CYTH1: variants seen among roughly 807,000 people sequenced by gnomAD.
CYTH1 encodes cytohesin-1.
Under a neutral mutation model 61.8 loss-of-function variants are expected in CYTH1, and 18 were observed. The observed-to-expected ratio is 0.29, with a 90% CI of 0.20 to 0.43. CYTH1 has a LOEUF of 0.43. Ranked by LOEUF, CYTH1 falls within the 20% of genes least tolerant of loss-of-function variation. The pLI, the probability that CYTH1 is intolerant of heterozygous loss-of-function variation, is 1.00. For missense variants in CYTH1, 336 were observed against 510.5 expected (o/e 0.66, Z 3.29); for synonymous variants, 174 against 184.3 (o/e 0.94, Z 0.45).
chr17:78,681,400 A>G (rs1406795788), intron 11 of CYTH1, among the ~76,000 whole-genome samples: 1 of 152,080 alleles, frequency 6.6e-6, no homozygotes, highest in Non-Finnish European at 1.5e-5. Context: ...TTCTGGGGCA[A>G]CAACTCCAGG....
intron 9 of CYTH1, 62 bp downstream of exon 9, chr17:78,698,207 A>ACGCACG (rs2092966319): frequency 7.2e-7 from 1 of 1,390,946 alleles, no homozygotes; most frequent in East Asian, 2.3e-5. Context: ...GCACACACGC[A>ACGCACG]CACACACCGC....
intron 9 of CYTH1, among the ~76,000 whole-genome samples, 181 bp downstream of exon 9, chr17:78,698,088 A>G (rs574616595): frequency 6.6e-6 from 1 of 152,254 alleles, no homozygotes; most frequent in East Asian, 1.9e-4. Flanking sequence ...CCTTTCCTAC[A>G]TGGTGCGTGT....
Position 78,708,265 on chromosome 17 carries a change from TA to T in CYTH1, c.106-5del. 1 of 1,611,648 alleles carries T rather than the reference TA, an allele frequency of 6.2e-7. No individual in the cohort carries two copies. Among genetic ancestry groups the T allele is most frequent in the South Asian group, 1.1e-5 (1 of 90,742 alleles). On this transcript the variant is annotated splice_polypyrimidine_tract_variant and splice_region_variant and intron_variant, in intron 2 of 13. Transcript: ENST00000446868. ...CTGCTATCTCATCCTTCAGCCTCTATAAAACAGACAGTCCAGAGTCAGCAGG... is the reference window on the plus strand; with the variant it reads ...CTGCTATCTCATCCTTCAGCCTCTATAAACAGACAGTCCAGAGTCAGCAGG...
chr17:78,720,010 G>A (rs2093214408), intron 1 of CYTH1, among the ~76,000 whole-genome samples: 1 of 152,180 alleles, frequency 6.6e-6, no homozygotes, highest in South Asian at 2.1e-4. Flanking sequence ...GGCAAATACT[G>A]AAGGATTCCA....
rs754015680 is a variant in CYTH1, at chr17:78,702,073, C to T, written c.356+49G>A. ...TATTTGGGAGTTTGTTTCTTTGTGT[C>T]GTTCCTGAACAGCCTTCCCTAGCAT... is the stretch of plus-strand genomic sequence containing the variant. On this transcript the variant is annotated intron_variant, in intron 5 of 13. Transcript: ENST00000446868. 22 of 1,430,140 alleles carry T rather than the reference C, an allele frequency of 1.5e-5. No homozygotes were observed. In the South Asian group the frequency reaches 1.7e-4, roughly 11 times the overall value. 88.6% of individuals were successfully genotyped at this position (1,430,140 alleles called of 1,614,324 possible).
intron 1 of CYTH1, among the ~76,000 whole-genome samples, chr17:78,750,589 A>G (rs2093376086): frequency 6.6e-6 from 1 of 152,176 alleles, no homozygotes. Context: ...CGGGTGGATC[A>G]CGAGGTCAGA....
chr17:78,762,060 T>C (rs1217868141), intron 1 of CYTH1, among the ~76,000 whole-genome samples: 1 of 152,194 alleles, frequency 6.6e-6, no homozygotes. Flanking sequence ...AATTACCAAA[T>C]AATGTTGTGC....
chr17:78,737,967 G>A (rs2093327761), intron 1 of CYTH1, among the ~76,000 whole-genome samples: 1 of 151,648 alleles, frequency 6.6e-6, no homozygotes. Flanking sequence ...ACTGTAAATG[G>A]ACATCTATCA....
intron 1 of CYTH1, among the ~76,000 whole-genome samples, chr17:78,758,399 T>C (rs1410921234): frequency 1.3e-5 from 2 of 152,074 alleles, no homozygotes; most frequent in African/African-American, 4.8e-5. Context: ...TGTCTATCAC[T>C]TGCTATAAAA....
At chr17:78,782,094 C>T in intron 1 of CYTH1, 108 bp downstream of exon 1, 1 of 1,009,288 alleles carries the variant, frequency 9.9e-7, no homozygotes, top group Non-Finnish European at 1.2e-6. Flanking sequence ...GCGTCCCGCA[C>T]CAGTGTCCCC....
chr17:78,679,061 T>G (rs753696606), intron 13 of CYTH1, among the ~76,000 whole-genome samples: 4 of 152,210 alleles, frequency 2.6e-5, no homozygotes, highest in Non-Finnish European at 4.4e-5. Flanking sequence ...TTAAGGTATT[T>G]AGCTTGGGCC....
At chr17:78,728,394 A>C (rs2093277292) in intron 1 of CYTH1, among the ~76,000 whole-genome samples, 1 of 151,950 alleles carries the variant, frequency 6.6e-6, no homozygotes, top group African/African-American at 2.4e-5. Context: ...AAAAATACAA[A>C]ATTAGCCAGG....
chr17:78,702,599 T>C lies in CYTH1; in HGVS notation c.176A>G (p.Asn59Ser). 6.2e-7 allele frequency: 1 copy of C among 1,614,024 alleles called. No individual in the cohort carries two copies. Among genetic ancestry groups the C allele is most frequent in the Non-Finnish European group, 8.5e-7 (1 of 1,179,924 alleles). The change falls in exon 4 of 14, where the codon AAC (asparagine) becomes AGC (serine). Residue 59 changes from asparagine to serine, a missense_variant. Coordinates refer to ENST00000446868, the MANE Select transcript of CYTH1 (RefSeq NM_004762.6). ...GGCTACCTGTTTGTTCCTCTGCATG[T>C]TTTTCCTGTAAAACAACCATCACAG... Reference protein sequence around the residue: ...ENLGSTEERKNMQRNKQVAMG... With the variant: ...ENLGSTEERKSMQRNKQVAMG...
At position 78,727,561 on chromosome 17, in the gene CYTH1, G is replaced by A. The variant is rs529271945; in HGVS notation, c.23-17829C>T. 3.6e-4 allele frequency: 141 copies of A among 393,572 alleles called. 1 individual carries two copies. Among genetic ancestry groups the A allele is most frequent in the South Asian group, 2.5e-3 (141 of 55,514 alleles). The allele number at this position is 393,572 out of a possible 1,614,324, so 24.4% of individuals were successfully genotyped here. ...CCAGAGTTGCCCCGAGTCCGGGTTTGCAAAAGTTTGGGAGAGGTGTAAGAA... is the reference window on the plus strand; with the variant it reads ...CCAGAGTTGCCCCGAGTCCGGGTTTACAAAAGTTTGGGAGAGGTGTAAGAA... On this transcript the variant is annotated intron_variant, in intron 1 of 13. Coordinates refer to ENST00000446868, the MANE Select transcript of CYTH1 (RefSeq NM_004762.6).
In CYTH1 at chr17:78,708,409, A is replaced by G. The variant is rs958434721; in HGVS notation, c.106-148T>C. On this transcript the variant is annotated intron_variant, in intron 2 of 13. Coordinates refer to ENST00000446868, the MANE Select transcript of CYTH1 (RefSeq NM_004762.6). ...CAAAAATGCAAAAAGTAAATTAGGA[A>G]AATTCATGTTTCAGAAATATTTATT... 2.0e-5 allele frequency: 15 copies of G among 735,882 alleles called. No individual in the cohort carries two copies. The African/African-American group carries it at 2.3e-4, about 11-fold the overall frequency. The allele number at this position is 735,882 out of a possible 1,614,324, so 45.6% of individuals were successfully genotyped here. A position where few individuals can be genotyped will look rare whatever the true frequency, so the allele number is the denominator to read the frequency against.
At chr17:78,763,242 C>CATA in intron 1 of CYTH1, among the ~76,000 whole-genome samples, 1 of 150,758 alleles carries the variant, frequency 6.6e-6, no homozygotes, top group African/African-American at 2.4e-5. Context: ...ACTTGGGAGG[C>CATA]TGAGGCAGGA....
At chr17:78,782,114 C>A in intron 1 of CYTH1, 88 bp downstream of exon 1, 1 of 1,150,740 alleles carries the variant, frequency 8.7e-7, no homozygotes, top group Non-Finnish European at 1.1e-6. Context: ...CGGGAAACGC[C>A]AGCCGCCGCA....
At chr17:78,732,594 A>T (rs1323982386) in intron 1 of CYTH1, among the ~76,000 whole-genome samples, 2 of 152,206 alleles carry the variant, frequency 1.3e-5, no homozygotes, top group East Asian at 3.8e-4. Context: ...TGCTTTGTAC[A>T]ATGCCAAACA....
At chr17:78,737,184 G>A (rs996388474) in intron 1 of CYTH1, among the ~76,000 whole-genome samples, 23 of 152,094 alleles carry the variant, frequency 1.5e-4, no homozygotes, top group Admixed American at 2.0e-4. Flanking sequence ...AACTCCGATG[G>A]ACACCAAAAC....
Sources: allele counts gnomAD v4.1 joint callset (sites outside exome capture counted in the v4.1 genomes callset), GRCh38; gene constraint gnomAD v4.1.1; transcripts MANE v1.5; gene names NCBI Gene and HGNC (gene_info 2026-07-23, HGNC 2026-07-21).